The following CCT6A variants were observed in gnomAD, a reference collection of about 807,000 sequenced individuals.
CCT6A encodes T-complex protein 1 subunit zeta.
Under a neutral mutation model 58.6 loss-of-function variants are expected in CCT6A, and 6 were observed. The observed-to-expected ratio is 0.10, with a 90% CI of 0.06 to 0.20. The LOEUF (loss-of-function observed/expected upper bound fraction) is 0.20, where lower values mean the gene tolerates loss of function less well. Ranked by LOEUF, CCT6A falls within the 10% of genes least tolerant of loss-of-function variation. The pLI is 1.00. For synonymous variants in CCT6A, 245 were observed against 227.8 expected (o/e 1.08, Z -0.68); for missense variants, 516 against 648.8 (o/e 0.80, Z 2.22).
intron 4 of CCT6A, 21 bp downstream of exon 4, chr7:56,055,818 A>G (rs755910615): frequency 3.0e-5 from 48 of 1,577,652 alleles, no homozygotes; most frequent in Non-Finnish European, 3.7e-5. Flanking sequence ...AATTTTGTCT[A>G]TGTCTGGTAT....
chr7:56,057,782 G>T (rs1794345321), intron 5 of CCT6A, among the ~76,000 whole-genome samples: 1 of 152,200 alleles, frequency 6.6e-6, no homozygotes, highest in Admixed American at 6.5e-5. Context: ...TTGAGAGGCT[G>T]AGGTAGGAGA....
At position 56,059,137 on chromosome 7, in the gene CCT6A, C is replaced by T. The variant is rs112145365; in HGVS notation, c.969-407C>T. 4.5e-3 allele frequency: 819 copies of T among 183,212 alleles called. 7 individuals are homozygous for T. The highest frequency in any genetic ancestry group is 0.019 in the African/African-American group (778 of 42,032). The allele number at this position is 183,212 out of a possible 1,614,324, so 11.3% of individuals were successfully genotyped here. On this transcript the variant is annotated intron_variant, in intron 8 of 13. Transcript: ENST00000275603. ...TCAGCCTCCCGAGTAGTTGGGATTA[C>T]GGGTGTCTGCCACCATGCCCACTGA...
At chr7:56,060,198 C>G (rs1794403101) in intron 9 of CCT6A, 71 bp from the exon 10 acceptor site, 3 of 1,337,220 alleles carry the variant, frequency 2.2e-6, no homozygotes, top group African/African-American at 2.9e-5. Flanking sequence ...TTGTCATTCT[C>G]TGTAAGTCCC....
rs542802171 is a variant in CCT6A, at chr7:56,057,674, A to C, written c.615-319A>C. Reference sequence around the variant, plus strand: ...GGCGGGCGGATCACGAGATCAGGAGATCGAAACCATCCTGGCTAACACGGT... The same window carrying C: ...GGCGGGCGGATCACGAGATCAGGAGCTCGAAACCATCCTGGCTAACACGGT... On this transcript the variant is annotated intron_variant, in intron 5 of 13. Transcript: ENST00000275603. 2.6e-3 allele frequency among the ~76,000 whole-genome samples: 392 copies of C among 152,218 alleles called. 3 individuals are homozygous for C. Among genetic ancestry groups the C allele is most frequent in the African/African-American group, 8.6e-3 (358 of 41,528 alleles).
At chr7:56,062,618 A>G (rs1252355639) in intron 12 of CCT6A, 65 bp from the exon 13 acceptor site, 2 of 1,320,302 alleles carry the variant, frequency 1.5e-6, no homozygotes, top group African/African-American at 1.4e-5. Context: ...GTGATAAGCA[A>G]AGCTGCACAC....
intron 1 of CCT6A, among the ~76,000 whole-genome samples, 177 bp from the exon 2 acceptor site, chr7:56,052,245 G>T (rs1220859651): frequency 6.6e-6 from 1 of 152,246 alleles, no homozygotes; most frequent in African/African-American, 2.4e-5. Flanking sequence ...GCACCCTGAG[G>T]ACTCGGCACA....
At chr7:56,061,090 G>A (rs1218488334) in intron 11 of CCT6A, 150 bp downstream of exon 11, 1 of 809,996 alleles carries the variant, frequency 1.2e-6, no homozygotes, top group Non-Finnish European at 1.8e-6. Flanking sequence ...TCATCATCCA[G>A]ATATATTTGG....
rs1488816758 is a variant in CCT6A at position 56,052,239 on chromosome 7, C to T, written c.138-183C>T. ...CCCGCCCTCTGGGGCTTCCAGGCAC[C>T]CTGAGGACTCGGCACAATCTCTGCG... On this transcript the variant is annotated intron_variant, in intron 1 of 13. Transcript: ENST00000275603. Among the ~76,000 whole-genome samples the T allele has an allele frequency of 2.6e-5, 4 of 152,234 alleles. No homozygotes were observed. The South Asian group carries it at 8.3e-4, about 32-fold the overall frequency.
intron 10 of CCT6A, 103 bp from the exon 11 acceptor site, chr7:56,060,704 A>G: frequency 5.0e-6 from 7 of 1,405,662 alleles, no homozygotes; most frequent in South Asian, 1.2e-5. Flanking sequence ...GTATTTTGTC[A>G]TAGTAAATTT....
Position 56,051,865 on chromosome 7 carries a change from C to A in CCT6A, c.17C>A (p.Thr6Asn). MAAVKTLNPKAEVARA... is the reference protein window; with the variant it reads MAAVKNLNPKAEVARA... ...GGAGCAGCTATGGCGGCGGTGAAGA[C>A]CCTGAACCCCAAGGCCGAGGTGGCC... Residue 6 changes from threonine to asparagine, a missense_variant, in exon 1 of 14, where the codon ACC (threonine) becomes AAC (asparagine). By Grantham distance (65) the Thr-to-Asn change is moderately conservative (BLOSUM62 0). Around this residue, in one of 3 missense-constraint regions of CCT6A, gnomAD observed 116 missense variants for 184.5 expected, o/e 0.63. Coordinates refer to ENST00000275603, the MANE Select transcript of CCT6A (RefSeq NM_001762.4). 4.5e-6 allele frequency: 7 copies of A among 1,561,188 alleles called. No individual in the cohort carries two copies. The highest frequency in any genetic ancestry group is 6.1e-6 in the Non-Finnish European group (7 of 1,153,458).
chr7:56,057,707 C>T (rs770139952), intron 5 of CCT6A, among the ~76,000 whole-genome samples: 67 of 152,174 alleles, frequency 4.4e-4, no homozygotes, highest in Non-Finnish European at 6.6e-4. Flanking sequence ...GGTGAAACCC[C>T]GTCTCTACTA....
At chr7:56,054,777 T>C (rs568415172) in intron 3 of CCT6A, among the ~76,000 whole-genome samples, 1 of 152,072 alleles carries the variant, frequency 6.6e-6, no homozygotes, top group South Asian at 2.1e-4. Flanking sequence ...AAAAATGGAA[T>C]GTTTAGGACT....
chr7:56,052,585 A>C, intron 2 of CCT6A, 100 bp downstream of exon 2: 1 of 1,016,088 alleles, frequency 9.8e-7, no homozygotes, highest in South Asian at 1.3e-5. Flanking sequence ...GTAGGAGAAC[A>C]TTCAGAAGTG....
At chr7:56,057,437 T>G (rs1399094290) in intron 5 of CCT6A, among the ~76,000 whole-genome samples, 1 of 152,016 alleles carries the variant, frequency 6.6e-6, no homozygotes, top group East Asian at 1.9e-4. Flanking sequence ...TTCCTGGGAT[T>G]AAGGTGTCCT....
At chr7:56,059,190 G>T (rs1366578811) in intron 8 of CCT6A, among the ~76,000 whole-genome samples, 1 of 151,788 alleles carries the variant, frequency 6.6e-6, no homozygotes, top group Non-Finnish European at 1.5e-5. Flanking sequence ...TAGTAGAGAT[G>T]GGGTTTTGCC....
intron 5 of CCT6A, 140 bp downstream of exon 5, chr7:56,056,554 C>T: frequency 1.7e-6 from 1 of 575,802 alleles, no homozygotes; most frequent in South Asian, 2.0e-5. Context: ...GAAACCCCGT[C>T]TCTATTAAAA....
chr7:56,062,861 G>C, intron 13 of CCT6A, 106 bp downstream of exon 13: 2 of 1,175,628 alleles, frequency 1.7e-6, no homozygotes, highest in Non-Finnish European at 2.6e-6. Flanking sequence ...TGATCAGCTG[G>C]AAGTATGGAA....
intron 12 of CCT6A, chr7:56,062,476 G>A (rs1771108317): frequency 3.3e-6 from 2 of 610,894 alleles, no homozygotes; most frequent in Admixed American, 2.9e-5. Flanking sequence ...AGAGAGGGGT[G>A]TTCAGGACTT....
chr7:56,061,287 G>C (rs1794425716), intron 11 of CCT6A, among the ~76,000 whole-genome samples: 1 of 151,796 alleles, frequency 6.6e-6, no homozygotes, highest in South Asian at 2.1e-4. Flanking sequence ...ATTGCTGCTG[G>C]GTTTGGGGTA....
Sources: gnomAD v4.1 joint callset for allele counts (sites outside exome capture counted in the v4.1 genomes callset) on GRCh38, gnomAD v4.1.1 for gene constraint, gnomAD v4.1.1 regional missense constraint, MANE v1.5 for transcripts, NCBI Gene and HGNC (gene_info 2026-07-23, HGNC 2026-07-21) for gene names.